Variants in SEMA6A observed in about 807,000 individuals in gnomAD.
SEMA6A encodes semaphorin-6A.
Under a neutral mutation model 96.8 loss-of-function variants are expected in SEMA6A, and 25 were observed. The ratio of observed to expected loss-of-function variants is 0.26; its 90% CI spans 0.19 to 0.36. The LOEUF (loss-of-function observed/expected upper bound fraction) is 0.36, where lower values mean the gene tolerates loss of function less well. Among genes scored for constraint, SEMA6A ranks in the 10% least tolerant of loss-of-function variants. SEMA6A has a pLI of 1.00. For synonymous variants in SEMA6A, 612 were observed against 518.0 expected (o/e 1.18, Z -2.46); for missense variants, 1,363 against 1,323.1 (o/e 1.03, Z -0.47).
chr5:116,573,466 C>A (rs1761322443), intron 1 of SEMA6A, among the ~76,000 whole-genome samples: 1 of 152,128 alleles, frequency 6.6e-6, no homozygotes, highest in Non-Finnish European at 1.5e-5. Context: ...GGACCCATGG[C>A]GGGGGCGCCG....
At chr5:116,505,803 A>T (rs965378591) in intron 1 of SEMA6A, among the ~76,000 whole-genome samples, 13 of 152,312 alleles carry the variant, frequency 8.5e-5, no homozygotes, top group Non-Finnish European at 1.9e-4. Context: ...TTCTTGACGA[A>T]GCTCTTTATG....
At chr5:116,562,214 T>TA (rs1240240224) in intron 1 of SEMA6A, among the ~76,000 whole-genome samples, 3 of 152,228 alleles carry the variant, frequency 2.0e-5, no homozygotes, top group Non-Finnish European at 4.4e-5. Context: ...TTAATTTCAG[T>TA]AATTTCTCAT....
At chr5:116,521,794 T>C (rs1250624128) in intron 1 of SEMA6A, among the ~76,000 whole-genome samples, 1 of 151,578 alleles carries the variant, frequency 6.6e-6, no homozygotes, top group East Asian at 1.9e-4. Flanking sequence ...GAGAAAGAGA[T>C]CATTTTTGTT....
chr5:116,505,663 G>C (rs913190921), intron 1 of SEMA6A, among the ~76,000 whole-genome samples: 1 of 152,176 alleles, frequency 6.6e-6, no homozygotes, highest in African/African-American at 2.4e-5. Flanking sequence ...AGGAGAATCT[G>C]AAACTGCATT....
At chr5:116,529,637 G>T (rs1402010625) in intron 1 of SEMA6A, among the ~76,000 whole-genome samples, 1 of 152,158 alleles carries the variant, frequency 6.6e-6, no homozygotes, top group Non-Finnish European at 1.5e-5. Context: ...CCAAAACCAT[G>T]AAGAATTTCC....
At chr5:116,505,532 T>C (rs577740369) in intron 1 of SEMA6A, among the ~76,000 whole-genome samples, 7 of 152,120 alleles carry the variant, frequency 4.6e-5, no homozygotes, top group African/African-American at 1.7e-4. Flanking sequence ...GCTTGACTTC[T>C]TAATTGAGAT....
At chr5:116,545,851 C>T (rs184574767) in intron 1 of SEMA6A, among the ~76,000 whole-genome samples, 7 of 152,112 alleles carry the variant, frequency 4.6e-5, no homozygotes, top group Admixed American at 1.3e-4. Flanking sequence ...AGAGGTGCTC[C>T]GAAGACAGGC....
At chr5:116,553,182 G>A (rs1019831676) in intron 1 of SEMA6A, among the ~76,000 whole-genome samples, 1 of 152,128 alleles carries the variant, frequency 6.6e-6, no homozygotes. Context: ...TCTATTTTTT[G>A]TGACTGTGTT....
intron 11 of SEMA6A, among the ~76,000 whole-genome samples, chr5:116,481,461 T>C (rs994471262): frequency 2.0e-5 from 3 of 152,178 alleles, no homozygotes; most frequent in African/African-American, 7.2e-5. Context: ...ATTCAGGTAA[T>C]GAAGATGGAT....
Position 116,445,371 on chromosome 5 carries a change from AATC to A in SEMA6A, c.*1239_*1241del, listed in dbSNP as rs1167777437. 6.6e-6 allele frequency: 1 copy of A among 152,668 alleles called. No individual in the cohort carries two copies. Among genetic ancestry groups the A allele is most frequent in the Non-Finnish European group, 1.5e-5 (1 of 68,048 alleles). The allele number at this position is 152,668 out of a possible 1,614,324, so 9.5% of individuals were successfully genotyped here. On this transcript the variant is annotated 3_prime_UTR_variant, in exon 19 of 19. Coordinates refer to ENST00000343348, the MANE Select transcript of SEMA6A (RefSeq NM_020796.5). The stretch of plus-strand genomic sequence containing the variant: ...ACCCCACGAAGAACCCGTGTGATCA[AATC>A]ATTAATTTATGCAAGGTAGCAGCCA...
At chr5:116,515,143 C>T (rs17139989) in intron 1 of SEMA6A, among the ~76,000 whole-genome samples, 2 of 152,068 alleles carry the variant, frequency 1.3e-5, no homozygotes, top group Admixed American at 6.6e-5. Context: ...AAGACAGCAG[C>T]GTGTTAAAAC....
intron 18 of SEMA6A, among the ~76,000 whole-genome samples, chr5:116,461,302 G>C (rs1755380648): frequency 6.6e-6 from 1 of 152,068 alleles, no homozygotes; most frequent in Non-Finnish European, 1.5e-5. Context: ...ATTGTTGAGT[G>C]GAAGTGAAAA....
intron 11 of SEMA6A, among the ~76,000 whole-genome samples, chr5:116,481,473 A>G (rs1026150294): frequency 6.6e-6 from 1 of 152,158 alleles, no homozygotes; most frequent in Non-Finnish European, 1.5e-5. Flanking sequence ...AAGATGGATG[A>G]GTTTCTCCTC....
At chr5:116,519,657 C>CTG (rs1334690478) in intron 1 of SEMA6A, among the ~76,000 whole-genome samples, 1 of 139,948 alleles carries the variant, frequency 7.1e-6, no homozygotes, top group South Asian at 2.3e-4. Context: ...TATAACGATG[C>CTG]TGTGTGTACA....
intron 17 of SEMA6A, among the ~76,000 whole-genome samples, chr5:116,470,682 A>G (rs2112660698): frequency 6.6e-6 from 1 of 152,316 alleles, no homozygotes. Context: ...CTGGTGTGAT[A>G]CAGAGCTTTT....
chr5:116,509,600 G>GCCCT (rs1758311978), intron 1 of SEMA6A, among the ~76,000 whole-genome samples: 3 of 104,658 alleles, frequency 2.9e-5, no homozygotes, highest in Non-Finnish European at 5.5e-5. Flanking sequence ...GGGTGTCTCT[G>GCCCT]TGTGTGTGAG....
At chr5:116,480,343 T>G in intron 11 of SEMA6A, 66 bp from the exon 12 acceptor site, 3 of 1,580,052 alleles carry the variant, frequency 1.9e-6, no homozygotes, top group Non-Finnish European at 2.6e-6. Flanking sequence ...ATTCTTTGAA[T>G]GAACTGCTTC....
intron 1 of SEMA6A, among the ~76,000 whole-genome samples, chr5:116,551,966 G>A (rs903405737): frequency 6.6e-6 from 1 of 152,196 alleles, no homozygotes; most frequent in African/African-American, 2.4e-5. Flanking sequence ...GGATTCTCCT[G>A]AGAACCAGTC....
intron 3 of SEMA6A, among the ~76,000 whole-genome samples, chr5:116,501,791 G>A (rs1185788525): frequency 6.6e-6 from 1 of 152,160 alleles, no homozygotes; most frequent in Non-Finnish European, 1.5e-5. Flanking sequence ...GGAGGCTGAG[G>A]CAAGAGAATT....
Sources: gnomAD v4.1 joint callset for allele counts (sites outside exome capture counted in the v4.1 genomes callset) on GRCh38, gnomAD v4.1.1 for gene constraint, MANE v1.5 for transcripts, NCBI Gene and HGNC (gene_info 2026-07-23, HGNC 2026-07-21) for gene names.